The following NRG3 variants were observed in gnomAD, a reference collection of about 807,000 sequenced individuals.
NRG3 encodes neuregulin 3.
Under a neutral mutation model 66.9 loss-of-function variants are expected in NRG3, and 31 were observed. The ratio of observed to expected loss-of-function variants is 0.46; its 90% CI spans 0.35 to 0.63. The LOEUF (loss-of-function observed/expected upper bound fraction) is 0.63. Ranked by LOEUF, NRG3 falls within the 20% of genes least tolerant of loss-of-function variation. The pLI, the probability that NRG3 is intolerant of heterozygous loss-of-function variation, is 0.00. For missense variants in NRG3, 910 were observed against 878.9 expected (o/e 1.04, Z -0.45); for synonymous variants, 393 against 359.4 (o/e 1.09, Z -1.06).
At chr10:82,969,314 C>A (rs1851516181) in intron 6 of NRG3, among the ~76,000 whole-genome samples, 1 of 152,124 alleles carries the variant, frequency 6.6e-6, no homozygotes, top group Admixed American at 6.6e-5. Context: ...CTTTTATAGA[C>A]CTGAAAGTCA....
intron 2 of NRG3, among the ~76,000 whole-genome samples, chr10:82,397,900 G>T (rs1012768337): frequency 3.0e-4 from 45 of 152,252 alleles, no homozygotes; most frequent in African/African-American, 1.1e-3. Context: ...GCAAAGAAAG[G>T]TCAAGGAAGA....
At chr10:81,967,427 C>T (rs1217581609) in intron 1 of NRG3, among the ~76,000 whole-genome samples, 1 of 150,842 alleles carries the variant, frequency 6.6e-6, no homozygotes, top group African/African-American at 2.4e-5. Context: ...TCTGAGATTT[C>T]CTTTGTATTC....
Position 81,875,922 on chromosome 10 carries a change from G to T in NRG3, c.582G>T (p.Pro194=), listed in dbSNP as rs773712819. 1.2e-6 allele frequency: 2 copies of T among 1,613,358 alleles called. No individual in the cohort carries two copies. Among genetic ancestry groups the T allele is most frequent in the Admixed American group, 1.7e-5 (1 of 60,016 alleles). The change falls in exon 1 of 9, where the codon CCG becomes CCT. Residue 194 remains proline (P), a synonymous_variant. Coordinates refer to ENST00000372141, the MANE Select transcript of NRG3 (RefSeq NM_001010848.4). This position sits in a 1 kb window ranked among gnomAD's most constrained non-coding sequence, Gnocchi z 5.3. ...ARNTAAPATV[P]STTAPFFSSS... The stretch of plus-strand genomic sequence containing the variant: ...ACACTGCGGCCCCTGCGACGGTCCC[G>T]TCCACCACGGCCCCGTTCTTCAGTA...
chr10:82,195,677 TAA>T (rs2074410816), intron 1 of NRG3, among the ~76,000 whole-genome samples: 1 of 152,118 alleles, frequency 6.6e-6, no homozygotes, highest in African/African-American at 2.4e-5. Flanking sequence ...AAGAGGGAAT[TAA>T]GTTTGTGGAT....
intron 1 of NRG3, among the ~76,000 whole-genome samples, chr10:82,169,583 A>G (rs1011834632): frequency 2.6e-5 from 4 of 151,590 alleles, no homozygotes; most frequent in Non-Finnish European, 5.9e-5. Flanking sequence ...GCTTAATACT[A>G]CTTCCAGTGT....
At chr10:82,695,549 A>G (rs2055310601) in intron 2 of NRG3, among the ~76,000 whole-genome samples, 1 of 152,230 alleles carries the variant, frequency 6.6e-6, no homozygotes, top group Non-Finnish European at 1.5e-5. Context: ...TATGGCTATG[A>G]CTAGATAAAG....
At chr10:82,448,832 A>G (rs2090877481) in intron 2 of NRG3, among the ~76,000 whole-genome samples, 1 of 151,962 alleles carries the variant, frequency 6.6e-6, no homozygotes, top group Non-Finnish European at 1.5e-5. Context: ...AATTATGTGT[A>G]TATATATATT....
At chr10:82,669,115 A>G (rs770461578) in intron 2 of NRG3, among the ~76,000 whole-genome samples, 2 of 152,148 alleles carry the variant, frequency 1.3e-5, no homozygotes, top group Non-Finnish European at 2.9e-5. Flanking sequence ...AGAGATGTGT[A>G]TTGTTTGATC....
chr10:82,854,151 C>T (rs997881481), intron 3 of NRG3, among the ~76,000 whole-genome samples: 6 of 152,134 alleles, frequency 3.9e-5, no homozygotes, highest in Non-Finnish European at 7.4e-5. Context: ...AGATATATTG[C>T]TACTAGTTAT....
intron 2 of NRG3, among the ~76,000 whole-genome samples, chr10:82,595,375 A>T (rs2047211906): frequency 6.6e-6 from 1 of 152,204 alleles, no homozygotes; most frequent in Non-Finnish European, 1.5e-5. Flanking sequence ...CATTGATCAG[A>T]ACCTGACTTC....
intron 2 of NRG3, among the ~76,000 whole-genome samples, chr10:82,509,367 T>C (rs1046914002): frequency 2.8e-4 from 42 of 152,246 alleles, no homozygotes; most frequent in African/African-American, 9.9e-4. Context: ...TTTGAGAAAA[T>C]TATTATGCAA....
At chr10:82,593,846 GTA>G (rs960404630) in intron 2 of NRG3, among the ~76,000 whole-genome samples, 2 of 151,248 alleles carry the variant, frequency 1.3e-5, no homozygotes, top group Non-Finnish European at 2.9e-5. Flanking sequence ...ATATATATGT[GTA>G]TATATATAGT....
chr10:82,216,859 C>CT (rs1307538855), intron 1 of NRG3, among the ~76,000 whole-genome samples: 3 of 151,818 alleles, frequency 2.0e-5, no homozygotes, highest in Non-Finnish European at 4.4e-5. Flanking sequence ...CGAGTTAATG[C>CT]TTTTTTTAAA....
At chr10:82,394,905 A>G (rs188339559) in intron 2 of NRG3, among the ~76,000 whole-genome samples, 45 of 152,266 alleles carry the variant, frequency 3.0e-4, no homozygotes, top group Admixed American at 2.7e-3. Context: ...GGAATGAATT[A>G]TCGGTCTCAA....
intron 1 of NRG3, among the ~76,000 whole-genome samples, chr10:82,306,051 A>G (rs1274828574): frequency 1.3e-5 from 2 of 152,224 alleles, no homozygotes; most frequent in Non-Finnish European, 2.9e-5. Flanking sequence ...AAAATAAATA[A>G]TTATTGTTGA....
At chr10:82,689,110 G>A (rs568169190) in intron 2 of NRG3, among the ~76,000 whole-genome samples, 11 of 152,194 alleles carry the variant, frequency 7.2e-5, no homozygotes, top group South Asian at 2.1e-4. Context: ...ATGCGAGATG[G>A]CACCTTATAA....
intron 1 of NRG3, among the ~76,000 whole-genome samples, chr10:82,250,575 C>T (rs550079368): frequency 6.6e-5 from 10 of 152,170 alleles, no homozygotes; most frequent in Middle Eastern, 3.4e-3. Context: ...GCAACAAGAG[C>T]GAAACTCCGT....
At chr10:81,948,672 C>T (rs1036281369) in intron 1 of NRG3, among the ~76,000 whole-genome samples, 1 of 152,172 alleles carries the variant, frequency 6.6e-6, no homozygotes, top group East Asian at 1.9e-4. Context: ...CACTAGCACT[C>T]GTTAGGCAAG....
At chr10:81,905,548 A>G (rs193275724) in intron 1 of NRG3, among the ~76,000 whole-genome samples, 13 of 152,320 alleles carry the variant, frequency 8.5e-5, no homozygotes, top group Admixed American at 7.2e-4. Context: ...CCAAAGCAGG[A>G]GACAGAAAAA....
Sources: allele counts gnomAD v4.1 joint callset (sites outside exome capture counted in the v4.1 genomes callset), GRCh38; gene constraint gnomAD v4.1.1; non-coding constraint Gnocchi (gnomAD v3.1); transcripts MANE v1.5; gene names NCBI Gene and HGNC (gene_info 2026-07-23, HGNC 2026-07-21).